SPTAN1: variants seen among roughly 807,000 people sequenced by gnomAD.
The protein encoded by SPTAN1 is spectrin alpha, non-erythrocytic 1.
SPTAN1 carries 61 observed loss-of-function variants against 331.3 expected under a neutral mutation model. The observed-to-expected ratio is 0.18, with a 90% CI of 0.15 to 0.23. The LOEUF is 0.23. Ranked by LOEUF, SPTAN1 falls within the 10% of genes least tolerant of loss-of-function variation. SPTAN1 has a pLI of 1.00. For missense variants in SPTAN1, 2,043 were observed against 3,147.9 expected (o/e 0.65, Z 8.40); for synonymous variants, 1,153 against 1,173.9 (o/e 0.98, Z 0.36).
Position 128,579,680 on chromosome 9 carries a change from A to T in SPTAN1, c.1265A>T (p.Glu422Val). The T allele has an allele frequency of 6.2e-7, 1 of 1,614,152 alleles. No individual in the cohort carries two copies. The highest frequency in any genetic ancestry group is 8.5e-7 in the Non-Finnish European group (1 of 1,180,006). ...AHEDSFKSAD[E>V]SGQALLAAGH... ...GAAGACAGCTTCAAATCTGCAGATG[A>T]ATCTGGACAGGCACTGCTTGCTGCT... Residue 422 changes from glutamate to valine, a missense_variant, in exon 10 of 57, where the codon GAA becomes GTA. Physicochemically the swap from Glu to Val is moderately radical, Grantham distance 121. This residue lies in a region of SPTAN1 where 1,038 missense variants were observed against 1,531.5 expected (regional missense o/e 0.68). Coordinates refer to ENST00000372739, the MANE Select transcript of SPTAN1 (RefSeq NM_001130438.3).
At chr9:128,591,323 C>T (rs189888960) in intron 21 of SPTAN1, among the ~76,000 whole-genome samples, 154 bp from the exon 22 acceptor site, 108 of 152,256 alleles carry the variant, frequency 7.1e-4, no homozygotes, top group Non-Finnish European at 1.2e-3. Context: ...GCCTCGGTCT[C>T]CCAAAGTGCT....
chr9:128,615,621 C>T lies in SPTAN1; in HGVS notation c.5149-11C>T. On this transcript the variant is annotated splice_polypyrimidine_tract_variant and intron_variant, in intron 40 of 56. Coordinates refer to ENST00000372739, the MANE Select transcript of SPTAN1 (RefSeq NM_001130438.3). ...ACCCAGTTTCTGACCCTCTTATGTCCCCTGCCCCAGGATCGCCTGAAGGAC... is the reference window on the plus strand; with the variant it reads ...ACCCAGTTTCTGACCCTCTTATGTCTCCTGCCCCAGGATCGCCTGAAGGAC... 6.2e-7 allele frequency: 1 copy of T among 1,613,714 alleles called. No homozygotes were observed. The highest frequency in any genetic ancestry group is 1.7e-5 in the Admixed American group (1 of 60,004).
Position 128,589,319 on chromosome 9 carries a change from C to A in SPTAN1, c.3006+376C>A, listed in dbSNP as rs139015346. Among the ~76,000 whole-genome samples the A allele has an allele frequency of 3.0e-3, 393 of 131,774 alleles. 9 individuals are homozygous for A. The East Asian group carries it at 0.042, about 14-fold the overall frequency. The allele number at this position is 131,774 out of a possible 152,430, so 86.4% of individuals were successfully genotyped here. The stretch of plus-strand genomic sequence containing the variant: ...TTTTTTTTTTTTTGAGACAGAGTCT[C>A]GCTCTGTCACCCAGGCTAGAGTGCA... On this transcript the variant is annotated intron_variant, in intron 21 of 56. Coordinates refer to ENST00000372739, the MANE Select transcript of SPTAN1 (RefSeq NM_001130438.3).
chr9:128,566,092 T>C (rs760791147), intron 1 of SPTAN1, among the ~76,000 whole-genome samples: 98 of 152,268 alleles, frequency 6.4e-4, no homozygotes, highest in Non-Finnish European at 1.1e-3. Flanking sequence ...TGTTTTGTTT[T>C]GTCACCCAGG....
chr9:128,603,231 A>G (rs1377894125), intron 27 of SPTAN1, among the ~76,000 whole-genome samples: 2 of 152,130 alleles, frequency 1.3e-5, no homozygotes, highest in African/African-American at 4.8e-5. Context: ...AGACAAGAAA[A>G]TGACACTAAT....
rs11543348 is a variant in SPTAN1 at position 128,633,489 on chromosome 9, G to A, written c.*155G>A. The A allele has an allele frequency of 0.024, 31,750 of 1,305,412 alleles. 484 individuals are homozygous for A. The highest frequency in any genetic ancestry group is 0.044 in the South Asian group (3,638 of 81,832). The allele number at this position is 1,305,412 out of a possible 1,614,324, so 80.9% of individuals were successfully genotyped here. ...AATGGTGCTTCACTAACCCGCTTCCGGTCCAGTCACAATCATCATGTCACT... is the reference window on the plus strand; with the variant it reads ...AATGGTGCTTCACTAACCCGCTTCCAGTCCAGTCACAATCATCATGTCACT... On this transcript the variant is annotated 3_prime_UTR_variant, in exon 57 of 57. Coordinates refer to ENST00000372739, the MANE Select transcript of SPTAN1 (RefSeq NM_001130438.3).
At chr9:128,617,882 C>A (rs1857371220) in intron 42 of SPTAN1, 105 bp from the exon 43 acceptor site, 10 of 1,612,412 alleles carry the variant, frequency 6.2e-6, no homozygotes, top group Non-Finnish European at 8.5e-6. Context: ...TCAGTCCAAA[C>A]CTGGAGAAGT....
At position 128,632,734 on chromosome 9, in the gene SPTAN1, C is replaced by T. The variant is rs772488907; in HGVS notation, c.7160+16C>T. 2 of 1,613,900 alleles carry T rather than the reference C, an allele frequency of 1.2e-6. No individual in the cohort carries two copies. Among genetic ancestry groups the T allele is most frequent in the Admixed American group, 1.7e-5 (1 of 59,998 alleles). On this transcript the variant is annotated intron_variant, in intron 55 of 56. Transcript: ENST00000372739. ...ATCCGAACAGGTAAATTAATTAAGGCCAGGTGCTGTGAGCCTCTGCCCGGG... is the reference window on the plus strand; with the variant it reads ...ATCCGAACAGGTAAATTAATTAAGGTCAGGTGCTGTGAGCCTCTGCCCGGG...
chr9:128,577,578 A>G lies in SPTAN1; in HGVS notation c.1085+72A>G. On this transcript the variant is annotated intron_variant, in intron 8 of 56. Transcript: ENST00000372739. This position sits in a 1 kb window ranked among gnomAD's most constrained non-coding sequence, Gnocchi z 4.2. ...TTTGGAAGCAGGAATAGCAGAGTTA[A>G]GGGTCTGTTCTGTGTTCTGTGAAAG... The G allele has an allele frequency of 6.3e-7, 1 of 1,595,402 alleles. No individual in the cohort carries two copies. Among genetic ancestry groups the G allele is most frequent in the East Asian group, 2.2e-5 (1 of 44,830 alleles).
At chr9:128,562,825 C>T (rs1475161180) in intron 1 of SPTAN1, among the ~76,000 whole-genome samples, 2 of 151,402 alleles carry the variant, frequency 1.3e-5, no homozygotes, top group African/African-American at 2.4e-5. Flanking sequence ...ATTAGCCGGG[C>T]GTGATGGCAG....
intron 45 of SPTAN1, 66 bp from the exon 46 acceptor site, chr9:128,624,262 G>T: frequency 6.2e-7 from 1 of 1,602,828 alleles, no homozygotes; most frequent in Non-Finnish European, 8.5e-7. Context: ...GCCTTTCCAG[G>T]GAGGGCATAG....
At position 128,613,437 on chromosome 9, in the gene SPTAN1, C is replaced by T. The variant is rs1444442249; in HGVS notation, c.5100C>T (p.Asn1700=). Residue 1700 remains asparagine, a synonymous_variant, in exon 40 of 57, where the codon AAC becomes AAT. Coordinates refer to ENST00000372739, the MANE Select transcript of SPTAN1 (RefSeq NM_001130438.3). ...DYGKDLASVN[N]LLKKHQLLEA... ...GCAAAGACCTAGCTTCTGTGAACAA[C>T]CTGCTGAAAAAGCATCAACTGCTGG... 6.2e-7 allele frequency: 1 copy of T among 1,614,124 alleles called. No individual in the cohort carries two copies. Among genetic ancestry groups the T allele is most frequent in the East Asian group, 2.2e-5 (1 of 44,898 alleles).
chr9:128,561,315 TGAGTC>T (rs1387108395), intron 1 of SPTAN1, among the ~76,000 whole-genome samples: 1 of 136,972 alleles, frequency 7.3e-6, no homozygotes, highest in Non-Finnish European at 1.5e-5. Flanking sequence ...GAGGTTGCAG[TGAGTC>T]AAGATCGCAC....
At position 128,605,149 on chromosome 9, in the gene SPTAN1, G is replaced by A; in HGVS notation, c.3835G>A (p.Glu1279Lys). Residue 1279 changes from glutamate (E) to lysine (K), a missense_variant, in exon 30 of 57, where the codon GAG becomes AAG. Physicochemically the swap from Glu to Lys is moderately conservative, Grantham distance 56. Transcript: ENST00000372739. ...CCTGCAACGCAAGCATGAGGGCTTC[G>A]AGAGGGACCTTGCGGCTCTCGGTGA... ...QALQRKHEGF[E>K]RDLAALGDKV... 6.2e-7 allele frequency: 1 copy of A among 1,613,966 alleles called. No individual in the cohort carries two copies. The highest frequency in any genetic ancestry group is 8.5e-7 in the Non-Finnish European group (1 of 1,180,002).
chr9:128,565,346 C>T (rs150595456), intron 1 of SPTAN1, among the ~76,000 whole-genome samples: 25 of 152,154 alleles, frequency 1.6e-4, no homozygotes, highest in Admixed American at 9.2e-4. Context: ...AGTGGCATGG[C>T]GAAGAATGTT....
intron 31 of SPTAN1, among the ~76,000 whole-genome samples, chr9:128,606,689 T>G (rs1480531508): frequency 6.6e-6 from 1 of 152,044 alleles, no homozygotes; most frequent in East Asian, 2.0e-4. Flanking sequence ...TTTCTCCATG[T>G]TGGTCAGGCT....
chr9:128,555,070 A>G (rs1848485502), intron 1 of SPTAN1, among the ~76,000 whole-genome samples: 1 of 152,178 alleles, frequency 6.6e-6, no homozygotes, highest in African/African-American at 2.4e-5. Context: ...TACTTTAACA[A>G]GTGGGGAAAT....
Position 128,627,214 on chromosome 9 carries a change from G to A in SPTAN1, c.6577-172G>A, listed in dbSNP as rs1278492690. ...TTGAAGCCCCTGGGGGGTGGGAACA[G>A]AGAAAGAACTACCAAGTGCTCTGAG... On this transcript the variant is annotated intron_variant, in intron 49 of 56. Coordinates refer to ENST00000372739, the MANE Select transcript of SPTAN1 (RefSeq NM_001130438.3). This position sits in a 1 kb window ranked among gnomAD's most constrained non-coding sequence, Gnocchi z 4.9. The A allele has an allele frequency of 1.5e-6, 1 of 665,408 alleles. No homozygotes were observed. The allele number at this position is 665,408 out of a possible 1,614,324, so 41.2% of individuals were successfully genotyped here. A position where few individuals can be genotyped will look rare whatever the true frequency, so the allele number is the denominator to read the frequency against.
chr9:128,566,500 G>A (rs1850056080), intron 1 of SPTAN1, among the ~76,000 whole-genome samples: 1 of 152,160 alleles, frequency 6.6e-6, no homozygotes, highest in Non-Finnish European at 1.5e-5. Flanking sequence ...TCCTTGCCGT[G>A]TGTGGGTTAG....
Sources: gnomAD v4.1 joint callset for allele counts (sites outside exome capture counted in the v4.1 genomes callset) on GRCh38, gnomAD v4.1.1 for gene constraint, gnomAD v4.1.1 regional missense constraint, Gnocchi (gnomAD v3.1) non-coding constraint, MANE v1.5 for transcripts, NCBI Gene and HGNC (gene_info 2026-07-23, HGNC 2026-07-21) for gene names.